CFAP210: variants seen among roughly 807,000 people sequenced by gnomAD.
The protein encoded by CFAP210 is cilia- and flagella- associated protein 210.
At chr2:169,677,996 G>A in the CFAP210 span, among the ~76,000 whole-genome samples, 791 of 152,116 alleles carry the variant, frequency 5.2e-3, 5 homozygotes, top group African/African-American at 0.011. Context: ...TAAATCCAAC[G>A]AAAGATGTAT....
At chr2:169,686,402 C>T in the CFAP210 span, among the ~76,000 whole-genome samples, 2 of 135,248 alleles carry the variant, frequency 1.5e-5, no homozygotes, top group Non-Finnish European at 3.3e-5. Flanking sequence ...GTATTGCCAT[C>T]TGTCTTAGTC....
chr2:169,674,920 C>T, the CFAP210 span: 1 of 1,535,226 alleles, frequency 6.5e-7, no homozygotes, highest in Non-Finnish European at 8.8e-7. Flanking sequence ...TTTGCATTTT[C>T]AATGGCCTTT....
the CFAP210 span, among the ~76,000 whole-genome samples, chr2:169,692,942 A>G: frequency 0.034 from 5,183 of 152,318 alleles, 139 homozygotes; most frequent in Non-Finnish European, 0.055. Flanking sequence ...AAAATGCCAA[A>G]AACCTTGCTG....
At chr2:169,653,049 T>A in the CFAP210 span, among the ~76,000 whole-genome samples, 40 of 97,118 alleles carry the variant, frequency 4.1e-4, no homozygotes, top group South Asian at 1.2e-3. Context: ...TATATATATA[T>A]ATATATATAT....
the CFAP210 span, among the ~76,000 whole-genome samples, chr2:169,657,931 T>C: frequency 6.6e-6 from 1 of 152,090 alleles, no homozygotes; most frequent in Non-Finnish European, 1.5e-5. Flanking sequence ...AAGCTTTTCA[T>C]ACTATCATAC....
chr2:169,660,213 C>T, the CFAP210 span, among the ~76,000 whole-genome samples: 1 of 152,044 alleles, frequency 6.6e-6, no homozygotes, highest in Non-Finnish European at 1.5e-5. Flanking sequence ...ATGGTGAAAT[C>T]TTGTCTCTAC....
the CFAP210 span, among the ~76,000 whole-genome samples, chr2:169,675,837 C>T: frequency 6.6e-6 from 1 of 152,082 alleles, no homozygotes; most frequent in African/African-American, 2.4e-5. Context: ...TTTAAAAAAC[C>T]AACAGTTGTA....
chr2:169,689,486 AC>A, the CFAP210 span, among the ~76,000 whole-genome samples: 1 of 152,150 alleles, frequency 6.6e-6, no homozygotes, highest in Non-Finnish European at 1.5e-5. Context: ...ATGCCACTAA[AC>A]TTTATTAGAT....
At chr2:169,683,331 G>T in the CFAP210 span, among the ~76,000 whole-genome samples, 2 of 152,160 alleles carry the variant, frequency 1.3e-5, no homozygotes, top group African/African-American at 4.8e-5. Flanking sequence ...TGTGTCTCCC[G>T]TATCTGGGGA....
At chr2:169,687,435 T>C in the CFAP210 span, among the ~76,000 whole-genome samples, 1 of 152,154 alleles carries the variant, frequency 6.6e-6, no homozygotes, top group Non-Finnish European at 1.5e-5. Flanking sequence ...AGGTATTGGG[T>C]AAATACAGCC....
the CFAP210 span, among the ~76,000 whole-genome samples, chr2:169,663,623 A>T: frequency 6.6e-6 from 1 of 152,120 alleles, no homozygotes; most frequent in Non-Finnish European, 1.5e-5. Flanking sequence ...TAAGTGAGCC[A>T]ACAAGTTCAC....
chr2:169,661,381 T>A, the CFAP210 span: 3 of 385,272 alleles, frequency 7.8e-6, no homozygotes, highest in African/African-American at 6.3e-5. Flanking sequence ...ATTCTATCCT[T>A]ATCCTTTTAT....
At chr2:169,655,264 C>T in the CFAP210 span, among the ~76,000 whole-genome samples, 4 of 152,150 alleles carry the variant, frequency 2.6e-5, no homozygotes, top group Admixed American at 2.0e-4. Flanking sequence ...ACCAGAGTAG[C>T]TGGGGCTACA....
At chr2:169,691,098 C>G in the CFAP210 span, among the ~76,000 whole-genome samples, 1 of 152,060 alleles carries the variant, frequency 6.6e-6, no homozygotes, top group Admixed American at 6.5e-5. Flanking sequence ...ATTCTTTTAT[C>G]TTTTTTTCTT....
the CFAP210 span, among the ~76,000 whole-genome samples, chr2:169,688,855 A>G: frequency 2.6e-3 from 397 of 152,126 alleles, 4 homozygotes; most frequent in African/African-American, 9.1e-3. Context: ...TCACTTCCAC[A>G]TTTTCAGTTA....
the CFAP210 span, among the ~76,000 whole-genome samples, chr2:169,685,617 G>A: frequency 5.3e-5 from 8 of 151,974 alleles, no homozygotes; most frequent in Non-Finnish European, 5.9e-5. Flanking sequence ...TTTTGAGGAA[G>A]GCCAAATCTG....
chr2:169,676,558 T>G, the CFAP210 span, among the ~76,000 whole-genome samples: 60 of 53,960 alleles, frequency 1.1e-3, no homozygotes, highest in Middle Eastern at 0.011. Context: ...CCACTCCCCC[T>G]ACCTGTAGGC....
chr2:169,679,597 C>A, the CFAP210 span, among the ~76,000 whole-genome samples: 1 of 148,466 alleles, frequency 6.7e-6, no homozygotes, highest in Admixed American at 6.9e-5. Flanking sequence ...AGGAGAATGG[C>A]GTGAACCCTG....
chr2:169,675,963 A>G, the CFAP210 span, among the ~76,000 whole-genome samples: 13 of 152,312 alleles, frequency 8.5e-5, no homozygotes, highest in South Asian at 2.7e-3. Context: ...TTACTCTGAT[A>G]TCCTGAAGAT....
Sources: allele counts gnomAD v4.1 joint callset (sites outside exome capture counted in the v4.1 genomes callset), GRCh38; gene constraint gnomAD v4.1.1; transcripts MANE v1.5; gene names NCBI Gene and HGNC (gene_info 2026-07-23, HGNC 2026-07-21).